Variants in TBC1D19 observed in about 807,000 individuals in gnomAD.
The protein encoded by TBC1D19 is TBC1 domain family, member 19.
In TBC1D19, 60 loss-of-function variants were observed where a neutral mutation model predicts 89.0. The ratio of observed to expected loss-of-function variants is 0.67; its 90% CI spans 0.55 to 0.84. TBC1D19 has a LOEUF of 0.84. TBC1D19 is among the 40% of genes least tolerant of loss of function. The pLI is 0.00. For missense variants in TBC1D19, 500 were observed against 610.8 expected (o/e 0.82, Z 1.91); for synonymous variants, 189 against 199.7 (o/e 0.95, Z 0.45).
intron 7 of TBC1D19, among the ~76,000 whole-genome samples, chr4:26,646,142 A>T (rs1252093508): frequency 6.6e-6 from 1 of 150,436 alleles, no homozygotes; most frequent in African/African-American, 2.4e-5. Context: ...AAAAAAAAAA[A>T]AAGTGGGCAA....
the TBC1D19 span, among the ~76,000 whole-genome samples, chr4:26,824,729 G>A: frequency 6.6e-6 from 1 of 151,218 alleles, no homozygotes; most frequent in Admixed American, 6.6e-5. Context: ...GAACATCTGT[G>A]TTGATACATC....
the TBC1D19 span, among the ~76,000 whole-genome samples, chr4:26,848,680 C>G: frequency 6.6e-6 from 1 of 152,206 alleles, no homozygotes; most frequent in African/African-American, 2.4e-5. Flanking sequence ...CTCAGAAGCT[C>G]TTTTGCTGTT....
intron 11 of TBC1D19, among the ~76,000 whole-genome samples, chr4:26,682,373 C>T (rs1713424358): frequency 1.3e-5 from 2 of 152,012 alleles, no homozygotes; most frequent in Admixed American, 6.6e-5. Flanking sequence ...CAGTAAATGC[C>T]CTGATCATCA....
At chr4:26,745,003 C>A (rs931252966) in intron 18 of TBC1D19, among the ~76,000 whole-genome samples, 1 of 151,964 alleles carries the variant, frequency 6.6e-6, no homozygotes, top group Admixed American at 6.5e-5. Context: ...CTATGTCTTC[C>A]TTTAGTGCTT....
chr4:26,735,049 C>T (rs573375470), intron 15 of TBC1D19, among the ~76,000 whole-genome samples: 3 of 148,996 alleles, frequency 2.0e-5, no homozygotes, highest in African/African-American at 5.0e-5. Context: ...TGTGTACACA[C>T]ATGTATATAT....
At chr4:26,612,898 A>G (rs968727441) in intron 1 of TBC1D19, among the ~76,000 whole-genome samples, 1 of 152,094 alleles carries the variant, frequency 6.6e-6, no homozygotes, top group Non-Finnish European at 1.5e-5. Context: ...GATAAAGATG[A>G]TAAGGACTCA....
intron 4 of TBC1D19, among the ~76,000 whole-genome samples, chr4:26,635,431 A>G (rs1743062482): frequency 6.6e-6 from 1 of 152,152 alleles, no homozygotes; most frequent in African/African-American, 2.4e-5. Context: ...AGAATTATTT[A>G]TAGTTAAGGA....
intron 11 of TBC1D19, among the ~76,000 whole-genome samples, chr4:26,677,487 T>A (rs115144405): frequency 0.015 from 2,300 of 152,114 alleles, 53 homozygotes; most frequent in African/African-American, 0.051. Flanking sequence ...CCGGCTAATT[T>A]TTTTTTGTAT....
downstream of TBC1D19, among the ~76,000 whole-genome samples, chr4:26,758,495 T>G (rs1294320720): frequency 6.6e-6 from 1 of 152,204 alleles, no homozygotes; most frequent in African/African-American, 2.4e-5. Flanking sequence ...AGCCAAGTAG[T>G]CACCATGTAC....
intron 7 of TBC1D19, among the ~76,000 whole-genome samples, chr4:26,643,600 A>C (rs1284183105): frequency 6.6e-6 from 1 of 152,116 alleles, no homozygotes; most frequent in Non-Finnish European, 1.5e-5. Context: ...AGGAGATAGA[A>C]ACACAAAAAA....
intron 5 of TBC1D19, among the ~76,000 whole-genome samples, chr4:26,638,401 T>C (rs1490501942): frequency 2.7e-5 from 4 of 148,418 alleles, no homozygotes; most frequent in Non-Finnish European, 5.9e-5. Flanking sequence ...TGCTACTGAC[T>C]CTTAGTCACA....
chr4:26,580,888 A>C (rs1047092959), upstream of TBC1D19, among the ~76,000 whole-genome samples: 2 of 152,200 alleles, frequency 1.3e-5, no homozygotes, highest in African/African-American at 4.8e-5. Flanking sequence ...TTTCAAATGC[A>C]TCCTCTGCCC....
chr4:26,793,936 T>A, the TBC1D19 span, among the ~76,000 whole-genome samples: 1 of 152,170 alleles, frequency 6.6e-6, no homozygotes, highest in Non-Finnish European at 1.5e-5. Flanking sequence ...AGAGATTTGA[T>A]TGGTCCATCT....
chr4:26,620,834 T>C (rs1742004212), intron 4 of TBC1D19, 146 bp downstream of exon 4: 1 of 673,636 alleles, frequency 1.5e-6, no homozygotes, highest in Non-Finnish European at 2.3e-6. Flanking sequence ...AGTATTTGTA[T>C]ATTCTCCCAT....
At chr4:26,820,724 T>C in the TBC1D19 span, among the ~76,000 whole-genome samples, 2 of 152,218 alleles carry the variant, frequency 1.3e-5, no homozygotes, top group African/African-American at 4.8e-5. Context: ...ATATGCTAAT[T>C]CTATATGTAG....
At chr4:26,840,660 A>G in the TBC1D19 span, among the ~76,000 whole-genome samples, 2 of 152,112 alleles carry the variant, frequency 1.3e-5, no homozygotes, top group African/African-American at 4.8e-5. Context: ...ACCCAGGGCT[A>G]GCTTCCTGGG....
intron 12 of TBC1D19, among the ~76,000 whole-genome samples, chr4:26,685,316 G>A (rs1047705757): frequency 2.0e-5 from 3 of 152,124 alleles, no homozygotes; most frequent in Non-Finnish European, 2.9e-5. Context: ...TTCTTAAAAA[G>A]CAACTGTAAA....
the TBC1D19 span, among the ~76,000 whole-genome samples, chr4:26,851,304 C>CCTCTCTATCTATCTATCTATCTATCTGT: frequency 3.4e-4 from 50 of 147,084 alleles, no homozygotes; most frequent in East Asian, 1.0e-3. Context: ...TAATAAATAC[C>CCTCTCTATCTATCTATCTATCTATCTGT]CTATCTATCT....
intron 18 of TBC1D19, 31 bp downstream of exon 18, chr4:26,742,630 A>G (rs1270665509): frequency 1.3e-6 from 2 of 1,575,062 alleles, no homozygotes; most frequent in Non-Finnish European, 1.7e-6. Context: ...ATTGAAGAAT[A>G]GATAGTTTCA....
Sources: gnomAD v4.1 joint callset for allele counts (sites outside exome capture counted in the v4.1 genomes callset) on GRCh38, gnomAD v4.1.1 for gene constraint, MANE v1.5 for transcripts, NCBI Gene and HGNC (gene_info 2026-07-23, HGNC 2026-07-21) for gene names.